RXRA: variants seen among roughly 807,000 people sequenced by gnomAD.
The protein encoded by RXRA is retinoic acid receptor RXR-alpha.
In RXRA, 5 loss-of-function variants were observed where a neutral mutation model predicts 44.5. That is an observed-to-expected ratio of 0.11 (90% CI 0.06 to 0.24). The LOEUF is 0.24. Among genes scored for constraint, RXRA ranks in the 10% least tolerant of loss-of-function variants. RXRA has a pLI of 1.00. For missense variants in RXRA, 412 were observed against 646.5 expected, an observed-to-expected ratio of 0.64 and a Z score of 3.93; for synonymous variants, 291 against 271.4, an observed-to-expected ratio of 1.07 and a Z score of -0.71.
At chr9:134,328,096 GAGTGC>G (rs573870232) in intron 1 of RXRA, among the ~76,000 whole-genome samples, 3 of 152,162 alleles carry the variant, frequency 2.0e-5, no homozygotes, top group Admixed American at 2.0e-4. Flanking sequence ...GTCTGTGACC[GAGTGC>G]AGTGTGGAGT....
intron 1 of RXRA, among the ~76,000 whole-genome samples, chr9:134,347,232 G>A (rs1208708059): frequency 6.6e-6 from 1 of 152,184 alleles, no homozygotes; most frequent in Non-Finnish European, 1.5e-5. Flanking sequence ...AAGGAGAGCA[G>A]GTAGAGAAAG....
In RXRA at chr9:134,433,599, T is replaced by C. The variant is rs1831567540; in HGVS notation, c.1136-503T>C. On this transcript the variant is annotated intron_variant, in intron 8 of 9. Transcript: ENST00000481739. The surrounding 1 kb of genome is among the most constrained non-coding windows in gnomAD (Gnocchi z 4.2). The stretch of plus-strand genomic sequence containing the variant: ...CTGCAATCTTAGCCTCTCTGTCCAC[T>C]CTAGGCTCTTGAGCCCGGGTCCTGA... Among the ~76,000 whole-genome samples, 1 of 148,414 alleles carries C rather than the reference T, an allele frequency of 6.7e-6. No individual in the cohort carries two copies. The highest frequency in any genetic ancestry group is 1.5e-5 in the Non-Finnish European group (1 of 67,880).
chr9:134,368,825 C>T (rs916539314), intron 1 of RXRA, among the ~76,000 whole-genome samples: 8 of 144,112 alleles, frequency 5.6e-5, no homozygotes, highest in Non-Finnish European at 1.2e-4. Context: ...GTGTGCTGTG[C>T]ATATGTGTGA....
At chr9:134,408,109 T>A (rs371297374) in intron 2 of RXRA, 40 bp from the exon 3 acceptor site, 2 of 1,484,808 alleles carry the variant, frequency 1.3e-6, no homozygotes, top group Non-Finnish European at 1.8e-6. Flanking sequence ...GGGACAAACC[T>A]GGTGTACACC....
chr9:134,397,183 C>A (rs553528807), intron 1 of RXRA, among the ~76,000 whole-genome samples: 1 of 152,324 alleles, frequency 6.6e-6, no homozygotes, highest in South Asian at 2.1e-4. Flanking sequence ...TTCCCTCTTC[C>A]AGCAGACCCT....
At chr9:134,336,635 C>T (rs1830011194) in intron 1 of RXRA, among the ~76,000 whole-genome samples, 1 of 152,164 alleles carries the variant, frequency 6.6e-6, no homozygotes, top group Non-Finnish European at 1.5e-5. Flanking sequence ...TTTTTCAAGA[C>T]AGGGCTGGCT....
rs1554748221 is a variant in RXRA, at chr9:134,342,620, G to A, written c.28+15961G>A. On this transcript the variant is annotated intron_variant, in intron 1 of 9. Transcript: ENST00000481739. This position sits in a 1 kb window ranked among gnomAD's most constrained non-coding sequence, Gnocchi z 4.4. Reference sequence around the variant, plus strand: ...CTGCTTGGGAGCTGCTGTGAGCCCAGGCAGGTGGTGGGGCTGCGGGGCTGC... The same window carrying A: ...CTGCTTGGGAGCTGCTGTGAGCCCAAGCAGGTGGTGGGGCTGCGGGGCTGC... Among the ~76,000 whole-genome samples, 1 of 152,190 alleles carries A rather than the reference G, an allele frequency of 6.6e-6. No homozygotes were observed. The highest frequency in any genetic ancestry group is 2.4e-5 in the African/African-American group (1 of 41,444).
chr9:134,329,136 C>G (rs1648474190), intron 1 of RXRA, among the ~76,000 whole-genome samples: 1 of 152,230 alleles, frequency 6.6e-6, no homozygotes, highest in Non-Finnish European at 1.5e-5. Context: ...GTGGAGAGAC[C>G]CGGTGGCAAA....
At chr9:134,369,063 T>G in intron 1 of RXRA, among the ~76,000 whole-genome samples, 1 of 40,672 alleles carries the variant, frequency 2.5e-5, no homozygotes, top group Non-Finnish European at 4.3e-5. Flanking sequence ...GGGGGTTATG[T>G]GTGGGGGGAG....
At chr9:134,410,651 C>T (rs1831132769) in intron 4 of RXRA, among the ~76,000 whole-genome samples, 1 of 152,198 alleles carries the variant, frequency 6.6e-6, no homozygotes, top group South Asian at 2.1e-4. Context: ...GGCCCCTGTG[C>T]CCAGGCGTGG....
intron 4 of RXRA, among the ~76,000 whole-genome samples, chr9:134,416,241 C>G (rs1329834972): frequency 6.6e-6 from 1 of 152,064 alleles, no homozygotes; most frequent in East Asian, 1.9e-4. Flanking sequence ...AAGGCAAATC[C>G]AGGTGGAGGT....
At chr9:134,340,908 G>C (rs1341814700) in intron 1 of RXRA, among the ~76,000 whole-genome samples, 2 of 152,228 alleles carry the variant, frequency 1.3e-5, no homozygotes, top group South Asian at 2.1e-4. Context: ...CCCTGGAAAG[G>C]CCTCGCAGGA....
At chr9:134,415,405 G>C (rs1403558076) in intron 4 of RXRA, among the ~76,000 whole-genome samples, 1 of 150,042 alleles carries the variant, frequency 6.7e-6, no homozygotes, top group African/African-American at 2.5e-5. Context: ...GTAGGGGCAG[G>C]GAGGGTGCCA....
chr9:134,407,290 G>T lies in RXRA; in HGVS notation c.280-859G>T, dbSNP rs796716859. 6.6e-6 allele frequency among the ~76,000 whole-genome samples: 1 copy of T among 152,248 alleles called. No individual in the cohort carries two copies. Among genetic ancestry groups the T allele is most frequent in the South Asian group, 2.1e-4 (1 of 4,834 alleles). On this transcript the variant is annotated intron_variant, in intron 2 of 9. Transcript: ENST00000481739. This position sits in a 1 kb window ranked among gnomAD's most constrained non-coding sequence, Gnocchi z 4.8. ...GGAAGGAAGGAGGGGAGCTTCCTGC[G>T]CACAAGCGGCGGCAGGGGTTTGCAG...
At chr9:134,413,755 CGG>C (rs1235597817) in intron 4 of RXRA, among the ~76,000 whole-genome samples, 2 of 152,130 alleles carry the variant, frequency 1.3e-5, no homozygotes, top group Non-Finnish European at 2.9e-5. Context: ...TGTGGCAGGT[CGG>C]AGATGTCCTT....
chr9:134,431,105 G>T (rs535743448), intron 7 of RXRA, among the ~76,000 whole-genome samples: 5 of 152,358 alleles, frequency 3.3e-5, no homozygotes, highest in African/African-American at 1.2e-4. Context: ...GAGAGCCCAG[G>T]CTCCTTAGGC....
intron 1 of RXRA, among the ~76,000 whole-genome samples, chr9:134,333,610 G>A (rs1420920335): frequency 2.0e-5 from 3 of 152,168 alleles, no homozygotes; most frequent in South Asian, 2.1e-4. Flanking sequence ...CCCCGGGTGC[G>A]GCCGCCGGCT....
At chr9:134,333,967 GCC>G (rs1193278428) in intron 1 of RXRA, among the ~76,000 whole-genome samples, 6 of 152,260 alleles carry the variant, frequency 3.9e-5, no homozygotes, top group Non-Finnish European at 8.8e-5. Flanking sequence ...GTGCCCAGCA[GCC>G]CCCTTGGTAC....
At chr9:134,336,066 T>C (rs1159963515) in intron 1 of RXRA, among the ~76,000 whole-genome samples, 12 of 152,190 alleles carry the variant, frequency 7.9e-5, no homozygotes, top group African/African-American at 2.9e-4. Flanking sequence ...TCATGGACTT[T>C]CTGCCCAGGA....
Sources: gnomAD v4.1 joint callset for allele counts (sites outside exome capture counted in the v4.1 genomes callset) on GRCh38, gnomAD v4.1.1 for gene constraint, Gnocchi (gnomAD v3.1) non-coding constraint, MANE v1.5 for transcripts, NCBI Gene and HGNC (gene_info 2026-07-23, HGNC 2026-07-21) for gene names.